The following SMAP1 variants were observed in gnomAD, a reference collection of about 807,000 sequenced individuals.
The protein encoded by SMAP1 is stromal membrane-associated protein 1.
Under a neutral mutation model 58.5 loss-of-function variants are expected in SMAP1, and 24 were observed. That is an observed-to-expected ratio of 0.41 (90% confidence interval 0.30 to 0.58). The LOEUF is 0.58. SMAP1 is among the 20% of genes least tolerant of loss of function. The probability of loss-of-function intolerance (pLI) is 0.29; values close to 1 mark genes in which losing one functional copy is unlikely to be tolerated. For synonymous variants in SMAP1, 216 were observed against 196.6 expected (o/e 1.10, Z -0.82); for missense variants, 563 against 566.3 (o/e 0.99, Z 0.06).
At chr6:70,792,806 G>A (rs998133538) in intron 5 of SMAP1, among the ~76,000 whole-genome samples, 14 of 152,072 alleles carry the variant, frequency 9.2e-5, no homozygotes, top group African/African-American at 3.1e-4. Flanking sequence ...TGATTCTGAA[G>A]GCTCGGGCAC....
At chr6:70,673,623 G>A (rs1230082904) in intron 1 of SMAP1, among the ~76,000 whole-genome samples, 1 of 152,226 alleles carries the variant, frequency 6.6e-6, no homozygotes, top group African/African-American at 2.4e-5. Context: ...TTATTATGAT[G>A]TTGATGCTTA....
At chr6:70,804,187 A>G (rs1231733704) in intron 6 of SMAP1, among the ~76,000 whole-genome samples, 1 of 152,048 alleles carries the variant, frequency 6.6e-6, no homozygotes, top group Non-Finnish European at 1.5e-5. Flanking sequence ...TTGGGTGCAT[A>G]TATATTTAGG....
chr6:70,783,872 C>T (rs1767879838), intron 4 of SMAP1, among the ~76,000 whole-genome samples: 1 of 152,208 alleles, frequency 6.6e-6, no homozygotes, highest in Non-Finnish European at 1.5e-5. Context: ...AGTTGGAAAA[C>T]ACTCTGCAGG....
At chr6:70,680,503 G>T (rs548601689) in intron 1 of SMAP1, among the ~76,000 whole-genome samples, 2 of 152,168 alleles carry the variant, frequency 1.3e-5, no homozygotes, top group East Asian at 3.9e-4. Flanking sequence ...GTTCATAGCA[G>T]CATTATTCAT....
chr6:70,842,429 G>A (rs990885292), intron 7 of SMAP1, among the ~76,000 whole-genome samples: 3 of 152,170 alleles, frequency 2.0e-5, no homozygotes, highest in African/African-American at 7.2e-5. Flanking sequence ...CAGTAGTAGG[G>A]CAGTTGGTGA....
At chr6:70,699,028 C>G (rs1279329576) in intron 1 of SMAP1, among the ~76,000 whole-genome samples, 1 of 152,162 alleles carries the variant, frequency 6.6e-6, no homozygotes, top group Non-Finnish European at 1.5e-5. Flanking sequence ...TTGTCCTCAT[C>G]CTTCTTGGGA....
intron 2 of SMAP1, chr6:70,735,060 CA>C (rs1385576024): frequency 1.3e-5 from 2 of 152,462 alleles, no homozygotes; most frequent in Non-Finnish European, 2.9e-5. Flanking sequence ...CTGACTTTGG[CA>C]GAGTAATTCT....
In SMAP1 at chr6:70,775,019, A is replaced by T. The variant is rs564680929; in HGVS notation, c.414+1594A>T. The stretch of plus-strand genomic sequence containing the variant: ...AGTAAGATTCTGTGTCAAAAAAAAA[A>T]AAAAAATTAAGTTTTCAAGTATCAT... On this transcript the variant is annotated intron_variant, in intron 4 of 10. Transcript: ENST00000370455. Among the ~76,000 whole-genome samples, 11 of 152,070 alleles carry T rather than the reference A, an allele frequency of 7.2e-5. No homozygotes were observed. The East Asian group carries it at 1.9e-3, about 27-fold the overall frequency.
At chr6:70,837,162 G>C (rs1199151564) in intron 7 of SMAP1, 134 bp downstream of exon 7, 17 of 561,894 alleles carry the variant, frequency 3.0e-5, no homozygotes, top group Middle Eastern at 9.8e-4. Context: ...GGTATGATTA[G>C]TTTGCTAACT....
chr6:70,703,776 G>T (rs951611649), intron 1 of SMAP1, among the ~76,000 whole-genome samples: 8 of 152,074 alleles, frequency 5.3e-5, no homozygotes, highest in African/African-American at 1.9e-4. Flanking sequence ...CCTCTTGTAT[G>T]CTGCCTTATG....
intron 1 of SMAP1, among the ~76,000 whole-genome samples, chr6:70,729,684 C>T (rs1174113505): frequency 6.6e-6 from 1 of 152,072 alleles, no homozygotes; most frequent in Non-Finnish European, 1.5e-5. Context: ...TTCTCCTTTG[C>T]CACTGTATTT....
intron 1 of SMAP1, 68 bp from the exon 2 acceptor site, chr6:70,732,310 A>G (rs1582080054): frequency 6.7e-7 from 1 of 1,488,296 alleles, no homozygotes; most frequent in East Asian, 2.3e-5. Flanking sequence ...GAATGCTTCT[A>G]ATATGCTGTT....
intron 1 of SMAP1, among the ~76,000 whole-genome samples, chr6:70,731,493 A>C (rs1000968419): frequency 2.6e-5 from 4 of 152,222 alleles, no homozygotes; most frequent in African/African-American, 9.6e-5. Context: ...ACAGCTTAGC[A>C]ATTGAGTGCT....
intron 1 of SMAP1, among the ~76,000 whole-genome samples, chr6:70,673,335 G>A (rs183558432): frequency 1.2e-3 from 177 of 152,312 alleles, no homozygotes; most frequent in African/African-American, 4.1e-3. Flanking sequence ...GACGTTTTTT[G>A]TTAGTTGCCC....
chr6:70,795,512 G>A (rs1331611843), intron 5 of SMAP1, among the ~76,000 whole-genome samples: 1 of 152,170 alleles, frequency 6.6e-6, no homozygotes, highest in Admixed American at 6.5e-5. Context: ...GTGGGAAAGG[G>A]CAGGAAATCT....
intron 1 of SMAP1, among the ~76,000 whole-genome samples, chr6:70,687,031 C>T (rs2128554039): frequency 6.6e-6 from 1 of 152,204 alleles, no homozygotes; most frequent in Non-Finnish European, 1.5e-5. Flanking sequence ...TAGGTTTGTC[C>T]TGTCCAGTGT....
At chr6:70,746,449 G>A (rs184417873) in intron 2 of SMAP1, among the ~76,000 whole-genome samples, 23 of 152,284 alleles carry the variant, frequency 1.5e-4, no homozygotes, top group Admixed American at 7.2e-4. Context: ...TTTGTCATTG[G>A]TTCTGTTTGT....
intron 1 of SMAP1, among the ~76,000 whole-genome samples, chr6:70,696,555 A>G (rs947715840): frequency 8.5e-5 from 13 of 152,198 alleles, no homozygotes; most frequent in Admixed American, 4.6e-4. Context: ...TATAGTATCC[A>G]TAGTTCTTCC....
At chr6:70,745,518 G>A (rs533629681) in intron 2 of SMAP1, among the ~76,000 whole-genome samples, 2 of 152,254 alleles carry the variant, frequency 1.3e-5, no homozygotes, top group East Asian at 3.9e-4. Context: ...CTTCTGTTCT[G>A]TTCCATTGGT....
Sources: allele counts gnomAD v4.1 joint callset (sites outside exome capture counted in the v4.1 genomes callset), GRCh38; gene constraint gnomAD v4.1.1; transcripts MANE v1.5; gene names NCBI Gene and HGNC (gene_info 2026-07-23, HGNC 2026-07-21).